Variants in AGTPBP1 observed in about 807,000 individuals in gnomAD.
AGTPBP1 encodes ATP/GTP binding carboxypeptidase 1.
AGTPBP1 carries 70 observed loss-of-function variants against 143.9 expected under a neutral mutation model. The ratio of observed to expected loss-of-function variants is 0.49; its 90% CI spans 0.40 to 0.59. The LOEUF (loss-of-function observed/expected upper bound fraction) is 0.59, where lower values mean the gene tolerates loss of function less well. Ranked by LOEUF, AGTPBP1 falls within the 20% of genes least tolerant of loss-of-function variation. The pLI is 0.00. For synonymous variants in AGTPBP1, 463 were observed against 500.2 expected (o/e 0.93, Z 0.99); for missense variants, 1,229 against 1,464.5 (o/e 0.84, Z 2.62).
chr9:85,771,830 CT>C, the AGTPBP1 span, among the ~76,000 whole-genome samples: 26 of 149,552 alleles, frequency 1.7e-4, no homozygotes, highest in South Asian at 4.2e-3. Flanking sequence ...TTTTTTTGTA[CT>C]TTTTTTTTAG....
chr9:85,782,577 T>G, the AGTPBP1 span, among the ~76,000 whole-genome samples: 1 of 152,168 alleles, frequency 6.6e-6, no homozygotes, highest in Non-Finnish European at 1.5e-5. Flanking sequence ...TCAAGAATAA[T>G]TCCCTTTAGC....
intron 25 of AGTPBP1, among the ~76,000 whole-genome samples, chr9:85,574,308 C>G (rs1827749943): frequency 1.3e-5 from 2 of 152,188 alleles, no homozygotes; most frequent in East Asian, 1.9e-4. Flanking sequence ...TCCCTAATCT[C>G]AAGTACCCAG....
At chr9:85,796,206 G>GC in the AGTPBP1 span, among the ~76,000 whole-genome samples, 2 of 152,014 alleles carry the variant, frequency 1.3e-5, no homozygotes, top group Non-Finnish European at 2.9e-5. Flanking sequence ...AAGAATTACC[G>GC]CAAGAGTGAT....
intron 25 of AGTPBP1, among the ~76,000 whole-genome samples, chr9:85,558,319 C>G (rs984589787): frequency 6.6e-6 from 1 of 152,068 alleles, no homozygotes; most frequent in African/African-American, 2.4e-5. Context: ...TCAGTGGTTG[C>G]CAGGGGCCAG....
chr9:85,651,280 G>T (rs1034425657), intron 11 of AGTPBP1, among the ~76,000 whole-genome samples: 3 of 151,980 alleles, frequency 2.0e-5, no homozygotes, highest in Non-Finnish European at 4.4e-5. Flanking sequence ...TATTTCTATG[G>T]GTCAATGGAC....
chr9:85,681,743 A>ATTT (rs1835189326), intron 3 of AGTPBP1, among the ~76,000 whole-genome samples: 1 of 128,248 alleles, frequency 7.8e-6, no homozygotes, highest in Non-Finnish European at 1.6e-5. Context: ...TTGCATTAAT[A>ATTT]TCTTTTTTTT....
At chr9:85,767,382 T>C in the AGTPBP1 span, among the ~76,000 whole-genome samples, 2 of 146,468 alleles carry the variant, frequency 1.4e-5, no homozygotes, top group Non-Finnish European at 3.0e-5. Flanking sequence ...TGAGTCTTGC[T>C]CTGTCACCAG....
intron 1 of AGTPBP1, among the ~76,000 whole-genome samples, chr9:85,724,712 T>C (rs909043063): frequency 5.9e-5 from 9 of 152,226 alleles, no homozygotes; most frequent in Admixed American, 1.3e-4. Context: ...AGACAACTAA[T>C]TTAACAATGT....
intron 17 of AGTPBP1, among the ~76,000 whole-genome samples, chr9:85,612,568 C>G (rs1830376167): frequency 1.3e-5 from 2 of 152,166 alleles, no homozygotes; most frequent in South Asian, 4.1e-4. Flanking sequence ...GTCCTGTGAG[C>G]TGCCATAGCA....
intron 25 of AGTPBP1, among the ~76,000 whole-genome samples, chr9:85,559,993 C>T (rs902995601): frequency 1.3e-5 from 2 of 152,126 alleles, no homozygotes; most frequent in African/African-American, 4.8e-5. Flanking sequence ...TCCTTCAATT[C>T]CTTGGCGTGA....
At chr9:85,588,517 T>C (rs747773161) in intron 20 of AGTPBP1, 39 bp from the exon 21 acceptor site, 12 of 1,584,808 alleles carry the variant, frequency 7.6e-6, no homozygotes, top group Non-Finnish European at 8.6e-7. Flanking sequence ...AATGAACAGC[T>C]ACTAAAAGTT....
At chr9:85,600,954 A>AT (rs1829628403) in intron 17 of AGTPBP1, among the ~76,000 whole-genome samples, 1 of 152,232 alleles carries the variant, frequency 6.6e-6, no homozygotes, top group African/African-American at 2.4e-5. Context: ...TGCCCAGAGG[A>AT]CAGGGTCCCC....
intron 1 of AGTPBP1, among the ~76,000 whole-genome samples, chr9:85,737,368 T>C (rs1207008970): frequency 1.3e-5 from 2 of 152,200 alleles, no homozygotes; most frequent in East Asian, 1.9e-4. Flanking sequence ...GTTACTCAAA[T>C]TGGAATATTT....
chr9:85,757,565 A>G, the AGTPBP1 span, among the ~76,000 whole-genome samples: 1 of 152,222 alleles, frequency 6.6e-6, no homozygotes, highest in South Asian at 2.1e-4. Flanking sequence ...GCTGCATTGC[A>G]AGTACCTAGA....
the AGTPBP1 span, chr9:85,774,071 T>A: frequency 7.4e-7 from 1 of 1,346,296 alleles, no homozygotes; most frequent in Non-Finnish European, 1.1e-6. Flanking sequence ...GTAAAGTTGA[T>A]GTGTAGGTGT....
At chr9:85,746,909 G>A (rs1033480026), upstream of AGTPBP1, among the ~76,000 whole-genome samples, 11 of 151,996 alleles carry the variant, frequency 7.2e-5, no homozygotes, top group Admixed American at 4.6e-4. Flanking sequence ...CTGGAAGTGC[G>A]GTGGCATGAT....
chr9:85,678,768 T>C (rs1834990225), intron 4 of AGTPBP1, among the ~76,000 whole-genome samples: 1 of 152,246 alleles, frequency 6.6e-6, no homozygotes, highest in African/African-American at 2.4e-5. Flanking sequence ...ACGTTATCAA[T>C]TTCTTATGCA....
At chr9:85,634,574 C>T (rs1038754288) in intron 13 of AGTPBP1, among the ~76,000 whole-genome samples, 1 of 152,080 alleles carries the variant, frequency 6.6e-6, no homozygotes, top group Admixed American at 6.6e-5. Context: ...TGCCATGACA[C>T]GAGTTATTTT....
At chr9:85,773,507 A>G in the AGTPBP1 span, among the ~76,000 whole-genome samples, 1 of 150,616 alleles carries the variant, frequency 6.6e-6, no homozygotes. Context: ...CTAATTTTAT[A>G]TATATTTTTT....
Sources: allele counts gnomAD v4.1 joint callset (sites outside exome capture counted in the v4.1 genomes callset), GRCh38; gene constraint gnomAD v4.1.1; transcripts MANE v1.5; gene names NCBI Gene and HGNC (gene_info 2026-07-23, HGNC 2026-07-21).